Variants in TFCP2 observed in about 807,000 individuals in gnomAD.
TFCP2 encodes alpha-globin transcription factor CP2.
A neutral mutation model predicts 73.4 loss-of-function variants in TFCP2; 33 were observed. That is an observed-to-expected ratio of 0.45 (90% CI 0.34 to 0.60). The LOEUF is 0.60. Among genes scored for constraint, TFCP2 ranks in the 20% least tolerant of loss-of-function variants. The pLI, the probability that TFCP2 is intolerant of heterozygous loss-of-function variation, is 0.01. For synonymous variants in TFCP2, 193 were observed against 211.6 expected, an observed-to-expected ratio of 0.91 and a Z score of 0.76; for missense variants, 352 against 604.0, an observed-to-expected ratio of 0.58 and a Z score of 4.37.
At chr12:51,156,045 CAAAAAAAAAAAAAAAA>C (rs71712150) in intron 1 of TFCP2, among the ~76,000 whole-genome samples, 3 of 146,512 alleles carry the variant, frequency 2.0e-5, no homozygotes, top group Non-Finnish European at 1.5e-5. Context: ...CTTTTTGTCT[CAAAAAAAAAAAAAAAA>C]AAAAAAAAAA....
At chr12:51,122,893 T>C (rs1283823225) in intron 1 of TFCP2, among the ~76,000 whole-genome samples, 2 of 152,218 alleles carry the variant, frequency 1.3e-5, no homozygotes, top group Non-Finnish European at 2.9e-5. Context: ...TTTCTAAGCC[T>C]TTACTACCTT....
At chr12:51,124,688 G>T in intron 1 of TFCP2, 2 of 648,054 alleles carry the variant, frequency 3.1e-6, no homozygotes, top group East Asian at 3.3e-5. Flanking sequence ...CGTCCCCCGC[G>T]GTGGCCAGTG....
At chr12:51,120,221 A>T (rs866360795) in intron 1 of TFCP2, among the ~76,000 whole-genome samples, 7 of 151,814 alleles carry the variant, frequency 4.6e-5, no homozygotes, top group Non-Finnish European at 7.4e-5. Flanking sequence ...CAACAACAAA[A>T]AAATAAAAAC....
intron 1 of TFCP2, among the ~76,000 whole-genome samples, chr12:51,170,266 A>G (rs1264208932): frequency 6.6e-6 from 1 of 152,128 alleles, no homozygotes; most frequent in Non-Finnish European, 1.5e-5. Context: ...ATGGAACTCA[A>G]GTTTCCCTGA....
intron 14 of TFCP2, 118 bp downstream of exon 14, chr12:51,095,871 C>T (rs1018872822): frequency 1.7e-4 from 83 of 493,524 alleles, no homozygotes; most frequent in African/African-American, 1.1e-3. Flanking sequence ...CTAATATTGT[C>T]ACTTTCTTTA....
intron 1 of TFCP2, among the ~76,000 whole-genome samples, chr12:51,161,965 A>C (rs1203067619): frequency 6.6e-6 from 1 of 151,720 alleles, no homozygotes; most frequent in African/African-American, 2.4e-5. Context: ...AATATCAATA[A>C]AAATATTTTA....
intron 1 of TFCP2, among the ~76,000 whole-genome samples, chr12:51,158,081 A>C (rs1022614127): frequency 1.3e-4 from 20 of 152,190 alleles, no homozygotes; most frequent in African/African-American, 4.8e-4. Flanking sequence ...AGCTCACTGC[A>C]GCCTCAAACT....
rs558428809 is a variant in TFCP2 at position 51,118,880 on chromosome 12, C to T, written c.123-108G>A. ...TTTGGAAAGCCATAAACATTACTCA[C>T]CTTGGTGGAGTTTCATCCCAAGAAT... On this transcript the variant is annotated intron_variant, in intron 1 of 14. Coordinates refer to ENST00000257915, the MANE Select transcript of TFCP2 (RefSeq NM_005653.5). The T allele has an allele frequency of 7.0e-6, 9 of 1,292,968 alleles. No homozygotes were observed. In the East Asian group the frequency reaches 1.9e-4, roughly 27 times the overall value. 80.1% of individuals were successfully genotyped at this position (1,292,968 alleles called of 1,614,324 possible).
intron 4 of TFCP2, among the ~76,000 whole-genome samples, chr12:51,115,446 G>C (rs1940512844): frequency 6.6e-6 from 1 of 152,060 alleles, no homozygotes; most frequent in South Asian, 2.1e-4. Context: ...AGTACCGCTG[G>C]TAGAAATGTA....
At position 51,126,322 on chromosome 12, in the gene TFCP2, TA is replaced by T. The variant is rs967343912; in HGVS notation, c.123-7551del. ...AGTGTATGTTAAAAATGTATACCCCTAAATGGAAATCCACACCTCAGCATGG... is the reference window on the plus strand; with the variant it reads ...AGTGTATGTTAAAAATGTATACCCCTAATGGAAATCCACACCTCAGCATGG... On this transcript the variant is annotated intron_variant, in intron 1 of 14. Transcript: ENST00000257915. Among the ~76,000 whole-genome samples, 16 of 151,334 alleles carry T rather than the reference TA, an allele frequency of 1.1e-4. 1 individual carries two copies. Among genetic ancestry groups the T allele is most frequent in the African/African-American group, 3.9e-4 (16 of 41,250 alleles).
At chr12:51,165,490 T>G (rs1941737897) in intron 1 of TFCP2, among the ~76,000 whole-genome samples, 1 of 151,168 alleles carries the variant, frequency 6.6e-6, no homozygotes, top group African/African-American at 2.4e-5. Flanking sequence ...TTATGCTAAG[T>G]GAATAAGTCA....
chr12:51,163,836 T>A (rs1941698729), intron 1 of TFCP2, among the ~76,000 whole-genome samples: 1 of 152,002 alleles, frequency 6.6e-6, no homozygotes, highest in Non-Finnish European at 1.5e-5. Context: ...CTTAAGGAAC[T>A]AGAAAAAGAA....
At chr12:51,172,273 G>C (rs375641117) in intron 1 of TFCP2, 28 bp downstream of exon 1, 2 of 1,613,514 alleles carry the variant, frequency 1.2e-6, no homozygotes, top group Non-Finnish European at 1.7e-6. Context: ...TATTCAGAAG[G>C]TGTAGGGTCT....
intron 1 of TFCP2, among the ~76,000 whole-genome samples, chr12:51,132,391 CAG>C (rs1473591713): frequency 1.7e-3 from 25 of 14,450 alleles, no homozygotes; most frequent in African/African-American, 3.1e-3. Context: ...TTTTTTTAGA[CAG>C]AGTCTCGCTC....
rs137997339 is a variant in TFCP2 at position 51,148,988 on chromosome 12, G to A, written c.122+23313C>T. Among the ~76,000 whole-genome samples the A allele has an allele frequency of 6.3e-3, 716 of 113,746 alleles. 6 individuals carry two copies. The highest frequency in any genetic ancestry group is 0.021 in the African/African-American group (663 of 31,346). 74.6% of individuals were successfully genotyped at this position (113,746 alleles called of 152,430 possible). A position where few individuals can be genotyped will look rare whatever the true frequency, so the allele number is the denominator to read the frequency against. ...TGCAGTGTGCCAAGACTGCGCTGCT[G>A]CACTCCAGCCTGAGCAACAGAGCAA... On this transcript the variant is annotated intron_variant, in intron 1 of 14. Transcript: ENST00000257915.
intron 13 of TFCP2, among the ~76,000 whole-genome samples, chr12:51,096,952 A>ATT (rs11448153): frequency 6.7e-6 from 1 of 149,530 alleles, no homozygotes; most frequent in Admixed American, 6.7e-5. Context: ...ACCTGTAATA[A>ATT]TTTTTTCTTA....
intron 13 of TFCP2, among the ~76,000 whole-genome samples, chr12:51,098,297 C>T (rs1352198351): frequency 1.3e-5 from 2 of 151,960 alleles, no homozygotes; most frequent in African/African-American, 4.8e-5. Flanking sequence ...AATTTTAAGT[C>T]AACCTAAAAA....
At chr12:51,160,570 G>A (rs753731800) in intron 1 of TFCP2, among the ~76,000 whole-genome samples, 7 of 152,084 alleles carry the variant, frequency 4.6e-5, no homozygotes, top group Non-Finnish European at 7.4e-5. Flanking sequence ...GTGTGTGCGC[G>A]CATACACTGA....
rs182388431 is a variant in TFCP2, at chr12:51,134,071, C to T, written c.123-15299G>A. ...GGAGAAAATAAATGTGTGTAACAAT[C>T]AGTGTAGCCCCATTAAAGGAATGAT... On this transcript the variant is annotated intron_variant, in intron 1 of 14. Transcript: ENST00000257915. Among the ~76,000 whole-genome samples the T allele has an allele frequency of 3.1e-3, 479 of 152,158 alleles. 2 individuals are homozygous for T. Among genetic ancestry groups the T allele is most frequent in the African/African-American group, 0.011 (464 of 41,498 alleles).
Sources: gnomAD v4.1 joint callset for allele counts (sites outside exome capture counted in the v4.1 genomes callset) on GRCh38, gnomAD v4.1.1 for gene constraint, MANE v1.5 for transcripts, NCBI Gene and HGNC (gene_info 2026-07-23, HGNC 2026-07-21) for gene names.